The following CCDC171 variants were observed in gnomAD, a reference collection of about 807,000 sequenced individuals.
CCDC171 encodes coiled-coil domain-containing protein 171.
A neutral mutation model predicts 168.2 loss-of-function variants in CCDC171; 177 were observed. The ratio of observed to expected loss-of-function variants is 1.05; its 90% CI spans 0.93 to 1.19. CCDC171 has a LOEUF of 1.19. CCDC171 is among the 50% of genes most tolerant of loss of function. CCDC171 has a pLI of 0.00. For missense variants in CCDC171, 1,991 were observed against 1,539.0 expected, an observed-to-expected ratio of 1.29 and a Z score of -4.91; for synonymous variants, 687 against 540.8, an observed-to-expected ratio of 1.27 and a Z score of -3.75.
At chr9:15,738,931 G>A (rs569773509) in intron 16 of CCDC171, among the ~76,000 whole-genome samples, 105 of 152,228 alleles carry the variant, frequency 6.9e-4, no homozygotes, top group African/African-American at 2.2e-3. Flanking sequence ...AGTCAGGGAT[G>A]ATTTTATAAA....
chr9:15,918,788 A>G (rs901090115), intron 24 of CCDC171, among the ~76,000 whole-genome samples: 2 of 151,614 alleles, frequency 1.3e-5, no homozygotes, highest in Non-Finnish European at 3.0e-5. Context: ...ATTATTAATA[A>G]TTTATTCATT....
At chr9:15,703,344 G>A (rs149186117) in intron 11 of CCDC171, among the ~76,000 whole-genome samples, 85 of 152,236 alleles carry the variant, frequency 5.6e-4, no homozygotes, top group African/African-American at 2.0e-3. Flanking sequence ...GGAGTAGCAC[G>A]AATGTGAACT....
At chr9:15,664,025 A>G (rs1011796338) in intron 8 of CCDC171, among the ~76,000 whole-genome samples, 1 of 152,214 alleles carries the variant, frequency 6.6e-6, no homozygotes, top group Non-Finnish European at 1.5e-5. Flanking sequence ...GTCAAATACC[A>G]CATGATCTGA....
At chr9:15,937,148 C>T (rs765860888) in intron 25 of CCDC171, among the ~76,000 whole-genome samples, 25 of 151,906 alleles carry the variant, frequency 1.6e-4, no homozygotes, top group African/African-American at 4.8e-4. Context: ...TTGGTTTAAC[C>T]GCCCAATTTT....
At chr9:15,581,702 T>C (rs2041132372) in intron 4 of CCDC171, among the ~76,000 whole-genome samples, 1 of 152,064 alleles carries the variant, frequency 6.6e-6, no homozygotes, top group Non-Finnish European at 1.5e-5. Context: ...ATTTAATAAA[T>C]TGTGTTGGGA....
chr9:16,026,234 G>C (rs750252010), intron 6 of CCDC171, among the ~76,000 whole-genome samples: 1 of 152,136 alleles, frequency 6.6e-6, no homozygotes, highest in East Asian at 1.9e-4. Context: ...TGCCACACCA[G>C]AGCCAGGGTC....
In CCDC171 at chr9:15,869,137, T is replaced by C. The variant is rs183861897; in HGVS notation, c.3469-5395T>C. Reference sequence around the variant, plus strand: ...TACTTTCAGTTCATGGTTGAATCCATGGATATGGAACCCACAAATATGGGG... The same window carrying C: ...TACTTTCAGTTCATGGTTGAATCCACGGATATGGAACCCACAAATATGGGG... On this transcript the variant is annotated intron_variant, in intron 23 of 25. Coordinates refer to ENST00000380701, the MANE Select transcript of CCDC171 (RefSeq NM_173550.4). Among the ~76,000 whole-genome samples the C allele has an allele frequency of 3.5e-3, 528 of 152,146 alleles. 2 individuals are homozygous for C. The highest frequency in any genetic ancestry group is 5.4e-3 in the Non-Finnish European group (364 of 67,936).
chr9:15,983,480 TTG>T (rs56910418), intron 3 of CCDC171, among the ~76,000 whole-genome samples: 15,966 of 143,794 alleles, frequency 0.11, 1,050 homozygotes, highest in African/African-American at 0.2. Flanking sequence ...TTGTGATCAG[TTG>T]TGTGTGTGTG....
At chr9:15,618,714 C>A (rs148673839) in intron 6 of CCDC171, among the ~76,000 whole-genome samples, 1 of 152,254 alleles carries the variant, frequency 6.6e-6, no homozygotes, top group Non-Finnish European at 1.5e-5. Context: ...GTACTCAGGG[C>A]GGGTAGCACA....
intron 24 of CCDC171, among the ~76,000 whole-genome samples, chr9:15,919,300 G>A (rs1000838136): frequency 1.3e-5 from 2 of 151,492 alleles, no homozygotes; most frequent in African/African-American, 4.8e-5. Context: ...TTCTTACTCT[G>A]TCTTTGTTCA....
chr9:15,692,139 A>T (rs528530665), intron 10 of CCDC171, among the ~76,000 whole-genome samples: 3 of 152,186 alleles, frequency 2.0e-5, no homozygotes, highest in African/African-American at 7.2e-5. Context: ...GCTTTGGGAG[A>T]CCAAGGTGGG....
intron 3 of CCDC171, among the ~76,000 whole-genome samples, chr9:15,994,868 A>G (rs57279091): frequency 0.083 from 12,670 of 152,232 alleles, 1,743 homozygotes; most frequent in African/African-American, 0.29. Context: ...CAGCATACTG[A>G]TGGACTCTGA....
At chr9:15,700,669 C>CG (rs2051657846) in intron 11 of CCDC171, among the ~76,000 whole-genome samples, 1 of 151,358 alleles carries the variant, frequency 6.6e-6, no homozygotes, top group Non-Finnish European at 1.5e-5. Context: ...TTTTTTTTAA[C>CG]GAGTTAGACT....
intron 21 of CCDC171, among the ~76,000 whole-genome samples, chr9:15,796,518 A>C (rs907238034): frequency 2.0e-4 from 30 of 152,238 alleles, no homozygotes; most frequent in African/African-American, 7.0e-4. Flanking sequence ...ATTCAAAATA[A>C]CTTAATTGAG....
At chr9:15,841,877 G>C (rs955422118) in intron 21 of CCDC171, among the ~76,000 whole-genome samples, 1 of 151,846 alleles carries the variant, frequency 6.6e-6, no homozygotes, top group African/African-American at 2.4e-5. Flanking sequence ...TGTACAGTTT[G>C]ATCCACCTAG....
intron 25 of CCDC171, among the ~76,000 whole-genome samples, chr9:15,967,996 A>T (rs1006383331): frequency 6.6e-6 from 1 of 152,190 alleles, no homozygotes; most frequent in Non-Finnish European, 1.5e-5. Flanking sequence ...ATTTGTAGAA[A>T]ATTAAGATAT....
intron 18 of CCDC171, among the ~76,000 whole-genome samples, chr9:15,771,006 T>C (rs185617549): frequency 1.3e-5 from 2 of 152,278 alleles, no homozygotes; most frequent in Admixed American, 1.3e-4. Context: ...ATAATGAATA[T>C]TTTTTAATAT....
rs192704883 is a variant in CCDC171 at position 15,579,168 on chromosome 9, A to G, written c.352+145A>G. On this transcript the variant is annotated intron_variant, in intron 4 of 25. Transcript: ENST00000380701. The stretch of plus-strand genomic sequence containing the variant: ...TTTTGATGTACAGACTTAGCTGGGT[A>G]TGTATAAAAAGTCTTCTGGCAATTT... 3.9e-4 allele frequency: 224 copies of G among 578,830 alleles called. 1 individual carries two copies. Among genetic ancestry groups the G allele is most frequent in the African/African-American group, 3.4e-3 (175 of 51,840 alleles). The allele number at this position is 578,830 out of a possible 1,614,324, so 35.9% of individuals were successfully genotyped here.
chr9:16,083,646 A>T, the CCDC171 span, among the ~76,000 whole-genome samples: 1 of 152,210 alleles, frequency 6.6e-6, no homozygotes, highest in African/African-American at 2.4e-5. Flanking sequence ...AGACCTAGCC[A>T]CACATTCCTA....
Sources: allele counts gnomAD v4.1 joint callset (sites outside exome capture counted in the v4.1 genomes callset), GRCh38; gene constraint gnomAD v4.1.1; transcripts MANE v1.5; gene names NCBI Gene and HGNC (gene_info 2026-07-23, HGNC 2026-07-21).